FTO: variants seen among roughly 807,000 people sequenced by gnomAD.
FTO encodes alpha-ketoglutarate-dependent dioxygenase FTO.
In FTO, 47 loss-of-function variants were observed where a neutral mutation model predicts 63.9. That is an observed-to-expected ratio of 0.74 (90% CI 0.58 to 0.94). The LOEUF is 0.94. Among genes scored for constraint, FTO ranks in the 40% least tolerant of loss-of-function variants. The probability of loss-of-function intolerance (pLI) is 0.00; values close to 1 mark genes in which losing one functional copy is unlikely to be tolerated. For missense variants in FTO, 562 were observed against 618.1 expected (o/e 0.91, Z 0.96); for synonymous variants, 207 against 224.4 (o/e 0.92, Z 0.69).
At chr16:53,806,324 A>G (rs763742657) in intron 1 of FTO, among the ~76,000 whole-genome samples, 1 of 152,224 alleles carries the variant, frequency 6.6e-6, no homozygotes, top group Non-Finnish European at 1.5e-5. Flanking sequence ...AGACGTTTAC[A>G]TAGTGCAAAA....
At chr16:53,763,755 G>A (rs2077126842) in intron 1 of FTO, among the ~76,000 whole-genome samples, 1 of 152,124 alleles carries the variant, frequency 6.6e-6, no homozygotes, top group Admixed American at 6.5e-5. Flanking sequence ...TTTTATAAAG[G>A]CTTTATTATT....
At chr16:53,804,105 A>G (rs1439796805) in intron 1 of FTO, among the ~76,000 whole-genome samples, 1 of 152,202 alleles carries the variant, frequency 6.6e-6, no homozygotes. Context: ...ATGTATTAAT[A>G]TCATTTACAT....
chr16:53,896,978 C>G (rs7500562), intron 7 of FTO, among the ~76,000 whole-genome samples: 108,542 of 152,000 alleles, frequency 0.71, 39,571 homozygotes, highest in East Asian at 0.84. Flanking sequence ...ACAGAGAGCC[C>G]CGGGAACACA....
intron 1 of FTO, among the ~76,000 whole-genome samples, chr16:53,714,561 G>A (rs750383799): frequency 6.6e-6 from 1 of 151,980 alleles, no homozygotes; most frequent in Non-Finnish European, 1.5e-5. Flanking sequence ...GAATAGCACC[G>A]GGCAAATGAA....
intron 1 of FTO, among the ~76,000 whole-genome samples, chr16:53,792,092 AAT>A (rs1567990393): frequency 2.1e-4 from 31 of 147,900 alleles, no homozygotes; most frequent in Non-Finnish European, 4.1e-4. Context: ...AAAAAAAAAA[AAT>A]AAAAATAAAA....
At chr16:54,082,019 A>G (rs1334406553) in intron 8 of FTO, among the ~76,000 whole-genome samples, 1 of 152,202 alleles carries the variant, frequency 6.6e-6, no homozygotes, top group Non-Finnish European at 1.5e-5. Flanking sequence ...GCCCCGTCAG[A>G]CAGGGGGCAA....
intron 1 of FTO, among the ~76,000 whole-genome samples, chr16:53,755,156 T>C (rs2076892566): frequency 6.6e-6 from 1 of 152,264 alleles, no homozygotes; most frequent in Non-Finnish European, 1.5e-5. Flanking sequence ...CTGCCCCAAC[T>C]GGCTTCCACA....
chr16:54,062,949 G>A (rs936437037), intron 8 of FTO, among the ~76,000 whole-genome samples: 4 of 152,216 alleles, frequency 2.6e-5, no homozygotes, highest in African/African-American at 4.8e-5. Flanking sequence ...AGTGACACAG[G>A]CAGCTGGAGC....
intron 8 of FTO, among the ~76,000 whole-genome samples, chr16:54,105,480 C>T (rs1230801119): frequency 3.3e-5 from 5 of 152,092 alleles, no homozygotes; most frequent in East Asian, 1.9e-4. Context: ...GGGTCTGACC[C>T]GCCCTGGCTC....
chr16:53,746,026 T>A (rs1012983738), intron 1 of FTO, among the ~76,000 whole-genome samples: 9 of 152,194 alleles, frequency 5.9e-5, no homozygotes, highest in African/African-American at 1.7e-4. Context: ...GCATTCAGCC[T>A]TGGTGAGGTT....
chr16:53,889,183 T>G (rs1400317921), intron 7 of FTO, among the ~76,000 whole-genome samples: 2 of 152,252 alleles, frequency 1.3e-5, no homozygotes, highest in African/African-American at 4.8e-5. Flanking sequence ...ACATATACTA[T>G]GAAGTGGTGA....
In FTO at chr16:53,850,755, GA is replaced by G. The variant is rs56892864; in HGVS notation, c.895+6466del. ...TTCTGACACTCACTTTTTTTTTCCA[GA>G]AAAAAAAATTAATGGAGATTGATTG... On this transcript the variant is annotated intron_variant, in intron 4 of 8. Coordinates refer to ENST00000471389, the MANE Select transcript of FTO (RefSeq NM_001080432.3). Among the ~76,000 whole-genome samples, 4 of 142,362 alleles carry G rather than the reference GA, an allele frequency of 2.8e-5. No homozygotes were observed. In the South Asian group the frequency reaches 6.3e-4, roughly 23 times the overall value. 93.4% of individuals were successfully genotyped at this position (142,362 alleles called of 152,430 possible). A position where few individuals can be genotyped will look rare whatever the true frequency, so the allele number is the denominator to read the frequency against.
Position 53,814,245 on chromosome 16 carries a change from A to T in FTO, c.123+4028A>T, listed in dbSNP as rs79465910. ...GAGAACTTCTGTTAGCTCATCATGG[A>T]ACACAAGGAAACGAGGAATTACATA... is the stretch of plus-strand genomic sequence containing the variant. On this transcript the variant is annotated intron_variant, in intron 2 of 8. Transcript: ENST00000471389. Among the ~76,000 whole-genome samples the T allele has an allele frequency of 5.9e-3, 892 of 152,298 alleles. 11 individuals carry two copies. Among genetic ancestry groups the T allele is most frequent in the African/African-American group, 0.02 (836 of 41,566 alleles).
chr16:53,883,119 C>CA (rs779133605), intron 6 of FTO, among the ~76,000 whole-genome samples: 14 of 152,292 alleles, frequency 9.2e-5, no homozygotes, highest in Non-Finnish European at 1.3e-4. Flanking sequence ...ATTCTAATCT[C>CA]AAAATGTAGT....
chr16:53,787,683 A>G (rs2077787248), intron 1 of FTO, among the ~76,000 whole-genome samples: 1 of 152,188 alleles, frequency 6.6e-6, no homozygotes, highest in Middle Eastern at 3.2e-3. Flanking sequence ...AGTCTGGTAT[A>G]TCTAACTAAT....
chr16:54,067,170 CTT>C (rs2085752728), intron 8 of FTO, among the ~76,000 whole-genome samples: 24 of 139,968 alleles, frequency 1.7e-4, no homozygotes, highest in African/African-American at 7.1e-4. Flanking sequence ...TTTGAATAGA[CTT>C]AAAAAAAAAA....
At chr16:53,780,562 G>A (rs989570114) in intron 1 of FTO, among the ~76,000 whole-genome samples, 8 of 152,118 alleles carry the variant, frequency 5.3e-5, no homozygotes, top group Non-Finnish European at 1.0e-4. Flanking sequence ...TAGAGACGGG[G>A]TTTTGCCATA....
intron 8 of FTO, among the ~76,000 whole-genome samples, chr16:53,960,911 T>C (rs1434047385): frequency 6.6e-6 from 1 of 152,176 alleles, no homozygotes; most frequent in East Asian, 1.9e-4. Context: ...AAAGGAAATA[T>C]GATCAGAAAC....
chr16:54,071,319 AC>A (rs2144452795), intron 8 of FTO: 1 of 152,272 alleles, frequency 6.6e-6, no homozygotes, highest in Admixed American at 6.5e-5. Flanking sequence ...GCAGAGAATT[AC>A]CGTAGCTGTC....
Sources: gnomAD v4.1 joint callset for allele counts (sites outside exome capture counted in the v4.1 genomes callset) on GRCh38, gnomAD v4.1.1 for gene constraint, MANE v1.5 for transcripts, NCBI Gene and HGNC (gene_info 2026-07-23, HGNC 2026-07-21) for gene names.